Variants in PGR observed in about 807,000 individuals in gnomAD.
PGR encodes the protein nuclear receptor subfamily 3 group C member 3.
PGR carries 25 observed loss-of-function variants against 76.1 expected under a neutral mutation model. The ratio of observed to expected loss-of-function variants is 0.33; its 90% CI spans 0.24 to 0.46. PGR has a LOEUF of 0.46. PGR is among the 20% of genes least tolerant of loss of function. The pLI, the probability that PGR is intolerant of heterozygous loss-of-function variation, is 1.00. For missense variants in PGR, 1,172 were observed against 1,225.3 expected (o/e 0.96, Z 0.65); for synonymous variants, 579 against 535.0 (o/e 1.08, Z -1.14).
intron 2 of PGR, among the ~76,000 whole-genome samples, chr11:101,107,349 T>TA (rs1862197973): frequency 6.6e-6 from 1 of 152,260 alleles, no homozygotes; most frequent in African/African-American, 2.4e-5. Flanking sequence ...TCTTTCTAAA[T>TA]AAAAAAATCT....
In PGR at chr11:101,108,713, T is replaced by C. The variant is rs555301868; in HGVS notation, c.1790-16837A>G. ...CTTTAGGAAAGTTAACTTCCTTCCT[T>C]GTTTTAATTCTTATATCTGAAAAAA... On this transcript the variant is annotated intron_variant, in intron 2 of 7. Transcript: ENST00000325455. Among the ~76,000 whole-genome samples the C allele has an allele frequency of 1.6e-4, 25 of 152,330 alleles. No individual in the cohort carries two copies. In the South Asian group the frequency reaches 4.3e-3, roughly 26 times the overall value.
chr11:101,098,374 G>A (rs923295860), intron 2 of PGR, among the ~76,000 whole-genome samples: 1 of 152,046 alleles, frequency 6.6e-6, no homozygotes, highest in Non-Finnish European at 1.5e-5. Flanking sequence ...TGAAAAGAAG[G>A]GGAAAATACA....
intron 7 of PGR, among the ~76,000 whole-genome samples, chr11:101,040,822 T>C (rs113084446): frequency 2.6e-4 from 39 of 152,208 alleles, no homozygotes; most frequent in African/African-American, 8.9e-4. Context: ...TACACAAATT[T>C]CTCTCCTTGA....
At chr11:101,070,257 G>A (rs1860880860) in intron 3 of PGR, among the ~76,000 whole-genome samples, 1 of 152,152 alleles carries the variant, frequency 6.6e-6, no homozygotes, top group Non-Finnish European at 1.5e-5. Flanking sequence ...GGGAAGCCGT[G>A]AGTGACTGTG....
chr11:101,040,054 T>C (rs1859646195), intron 7 of PGR, among the ~76,000 whole-genome samples: 1 of 151,846 alleles, frequency 6.6e-6, no homozygotes, highest in Non-Finnish European at 1.5e-5. Context: ...ATATCCAGCA[T>C]TTATATCATA....
At chr11:101,089,820 G>A (rs998903456) in intron 3 of PGR, among the ~76,000 whole-genome samples, 2 of 152,192 alleles carry the variant, frequency 1.3e-5, no homozygotes, top group Non-Finnish European at 1.5e-5. Context: ...GAAGCCCGTA[G>A]AATATGGCTT....
rs1341345442 is a variant in PGR at position 101,035,963 on chromosome 11, GT to G, written c.*3152del. 24 of 225,118 alleles carry G rather than the reference GT, an allele frequency of 1.1e-4. No homozygotes were observed. Among genetic ancestry groups the G allele is most frequent in the East Asian group, 1.3e-4 (2 of 15,544 alleles). 13.9% of individuals were successfully genotyped at this position (225,118 alleles called of 1,614,324 possible). ...TTACTATTTCTGAAGGCCTGTATAC[GT>G]TTTTTTTGGTTTCCATTTCTATTCA... On this transcript the variant is annotated 3_prime_UTR_variant, in exon 8 of 8. Coordinates refer to ENST00000325455, the MANE Select transcript of PGR (RefSeq NM_000926.4).
At chr11:101,046,292 ATTT>A (rs540943297) in intron 6 of PGR, among the ~76,000 whole-genome samples, 5 of 66,288 alleles carry the variant, frequency 7.5e-5, no homozygotes, top group Non-Finnish European at 7.6e-5. Flanking sequence ...CGCCTGGCTA[ATTT>A]TTTTTTTTTT....
At chr11:101,065,058 T>C (rs562758218) in intron 3 of PGR, among the ~76,000 whole-genome samples, 71 of 152,192 alleles carry the variant, frequency 4.7e-4, no homozygotes, top group Admixed American at 1.0e-3. Context: ...AATGATGAAA[T>C]TGACTACTTC....
intron 2 of PGR, among the ~76,000 whole-genome samples, chr11:101,112,047 T>C (rs1366472289): frequency 6.6e-6 from 1 of 152,152 alleles, no homozygotes; most frequent in African/African-American, 2.4e-5. Context: ...GAGTGATCAA[T>C]TGTCAAATGC....
At chr11:101,068,681 T>A (rs1157431885) in intron 3 of PGR, among the ~76,000 whole-genome samples, 3 of 151,530 alleles carry the variant, frequency 2.0e-5, no homozygotes, top group African/African-American at 4.9e-5. Context: ...TATAGAACAA[T>A]AGAACAGAAC....
At chr11:101,042,578 C>G (rs897784417) in intron 6 of PGR, among the ~76,000 whole-genome samples, 1 of 151,796 alleles carries the variant, frequency 6.6e-6, no homozygotes, top group African/African-American at 2.4e-5. Context: ...GATGATTTAT[C>G]TTTTTGTTGT....
chr11:101,047,443 T>C (rs979465747), intron 6 of PGR, among the ~76,000 whole-genome samples: 13 of 152,182 alleles, frequency 8.5e-5, no homozygotes, highest in African/African-American at 1.9e-4. Context: ...CTTTGTTCAA[T>C]TGATGCTCTG....
chr11:101,038,745 T>A lies in PGR; in HGVS notation c.*371A>T, dbSNP rs942111347. 10 of 242,304 alleles carry A rather than the reference T, an allele frequency of 4.1e-5. No individual in the cohort carries two copies. The highest frequency in any genetic ancestry group is 1.5e-4 in the South Asian group (1 of 6,834). The allele number at this position is 242,304 out of a possible 1,614,324, so 15.0% of individuals were successfully genotyped here. On this transcript the variant is annotated 3_prime_UTR_variant, in exon 8 of 8. Transcript: ENST00000325455. ...GGAGTTACCTAGAAATAACATATAATAGCTTTGTGTTATTACATGTAAGAT... is the reference window on the plus strand; with the variant it reads ...GGAGTTACCTAGAAATAACATATAAAAGCTTTGTGTTATTACATGTAAGAT...
At chr11:101,066,996 C>T (rs1223195718) in intron 3 of PGR, among the ~76,000 whole-genome samples, 1 of 152,144 alleles carries the variant, frequency 6.6e-6, no homozygotes, top group Admixed American at 6.5e-5. Context: ...TTTTCAGTGA[C>T]TCCTGATCCT....
intron 2 of PGR, among the ~76,000 whole-genome samples, chr11:101,113,666 CA>C (rs1862414097): frequency 1.3e-5 from 2 of 152,102 alleles, no homozygotes; most frequent in Non-Finnish European, 2.9e-5. Flanking sequence ...AAAATGTAAA[CA>C]GCAAAAATTT....
Position 101,051,426 on chromosome 11 carries a change from A to T in PGR, c.2355T>A (p.Asn785Lys). The change falls in exon 5 of 8, where the codon AAT (asparagine) becomes AAA (lysine). Residue 785 changes from asparagine to lysine, a missense_variant and splice_region_variant. By Grantham distance (94) the Asn-to-Lys change is moderately conservative. This residue lies in a region of PGR where 166 missense variants were observed against 296.0 expected (regional missense o/e 0.56). Coordinates refer to ENST00000325455, the MANE Select transcript of PGR (RefSeq NM_000926.4). Reference sequence around the variant, plus strand: ...AAACAACAAAAGTTACTACTTACTCATTTAGTATTAGATCAGGTGCAAAAT... The same window carrying T: ...AAACAACAAAAGTTACTACTTACTCTTTTAGTATTAGATCAGGTGCAAAAT... The part of the protein sequence containing the change: ...MLYFAPDLIL[N>K]EQRMKESSFY... 3 of 1,602,960 alleles carry T rather than the reference A, an allele frequency of 1.9e-6. No individual in the cohort carries two copies. The highest frequency in any genetic ancestry group is 2.6e-6 in the Non-Finnish European group (3 of 1,170,498).
intron 2 of PGR, among the ~76,000 whole-genome samples, 181 bp from the exon 3 acceptor site, chr11:101,092,057 C>A (rs1861692185): frequency 6.6e-6 from 1 of 152,184 alleles, no homozygotes; most frequent in Admixed American, 6.5e-5. Flanking sequence ...TTACCTGTGC[C>A]TTTAGGAGCC....
At chr11:101,055,319 G>A (rs528702825) in intron 4 of PGR, among the ~76,000 whole-genome samples, 1 of 149,050 alleles carries the variant, frequency 6.7e-6, no homozygotes, top group East Asian at 2.1e-4. Context: ...GGGAGGATGA[G>A]GCAGGAGAAT....
Sources: gnomAD v4.1 joint callset for allele counts (sites outside exome capture counted in the v4.1 genomes callset) on GRCh38, gnomAD v4.1.1 for gene constraint, gnomAD v4.1.1 regional missense constraint, MANE v1.5 for transcripts, NCBI Gene and HGNC (gene_info 2026-07-23, HGNC 2026-07-21) for gene names.